The following TK1 variants were observed in gnomAD, a reference collection of about 807,000 sequenced individuals.
TK1 encodes thymidine kinase, cytosolic.
A neutral mutation model predicts 22.4 loss-of-function variants in TK1; 13 were observed. The ratio of observed to expected loss-of-function variants is 0.58; its 90% confidence interval spans 0.38 to 0.92. The LOEUF (loss-of-function observed/expected upper bound fraction) is 0.92, where lower values mean the gene tolerates loss of function less well. TK1 is among the 40% of genes least tolerant of loss of function. TK1 has a pLI of 0.00. For synonymous variants in TK1, 134 were observed against 125.4 expected (o/e 1.07, Z -0.46); for missense variants, 251 against 315.7 (o/e 0.80, Z 1.55).
chr17:78,179,258 T>A (rs2075722204), intron 4 of TK1: 1 of 985,268 alleles, frequency 1.0e-6, no homozygotes, highest in Non-Finnish European at 1.2e-6. Flanking sequence ...GCAAAATCCC[T>A]GGATGCATTC....
chr17:78,184,553 CG>C (rs61438436), intron 3 of TK1, among the ~76,000 whole-genome samples: 17,989 of 152,044 alleles, frequency 0.12, 1,577 homozygotes, highest in East Asian at 0.36. Flanking sequence ...TGCCAGGTGA[CG>C]GGGGAGCCAG....
intron 2 of TK1, 72 bp downstream of exon 2, chr17:78,186,715 G>T: frequency 7.5e-7 from 1 of 1,336,896 alleles, no homozygotes. Flanking sequence ...GAGGGAAGGG[G>T]AGGGGAGGGA....
rs763448540 is a variant in TK1, at chr17:78,175,189, CAG to C, written c.394-22_394-21del. 10 of 1,587,594 alleles carry C rather than the reference CAG, an allele frequency of 6.3e-6. No individual in the cohort carries two copies. Among genetic ancestry groups the C allele is most frequent in the African/African-American group, 6.2e-5 (4 of 64,462 alleles). On this transcript the variant is annotated intron_variant, in intron 5 of 6. Transcript: ENST00000301634. Reference sequence around the variant, plus strand: ...AAATGGCTGCGCTCCCATGGAAAGACAGAGGGCGCTCAGCCACCTTACCAGGT... The same window carrying C: ...AAATGGCTGCGCTCCCATGGAAAGACAGGGCGCTCAGCCACCTTACCAGGT...
chr17:78,183,081 C>G (rs572291357), intron 3 of TK1, among the ~76,000 whole-genome samples: 1 of 152,288 alleles, frequency 6.6e-6, no homozygotes, highest in East Asian at 1.9e-4. Flanking sequence ...GTTGGCCAGG[C>G]TGGTCTCAGA....
At chr17:78,178,141 G>A (rs894921265) in intron 4 of TK1, among the ~76,000 whole-genome samples, 2 of 152,158 alleles carry the variant, frequency 1.3e-5, no homozygotes, top group Non-Finnish European at 2.9e-5. Flanking sequence ...AAAGTGCTGG[G>A]ATTACAGGTG....
intron 4 of TK1, among the ~76,000 whole-genome samples, chr17:78,181,843 C>T (rs58996545): frequency 0.068 from 10,291 of 151,790 alleles, 438 homozygotes; most frequent in South Asian, 0.13. Context: ...ACTGCAGCCT[C>T]GACCTCCCAG....
chr17:78,185,181 G>A lies in TK1; in HGVS notation c.99-16C>T, dbSNP rs749042033. ...CAACTCTGTGCTGCAAGAGGAGAGA[G>A]GGTCAGGTGAGGTCCACGGCGGGAG... On this transcript the variant is annotated splice_polypyrimidine_tract_variant and intron_variant, in intron 2 of 6. Transcript: ENST00000301634. 6.2e-7 allele frequency: 1 copy of A among 1,609,410 alleles called. No individual in the cohort carries two copies. The highest frequency in any genetic ancestry group is 8.5e-7 in the Non-Finnish European group (1 of 1,176,576).
At chr17:78,179,410 C>T (rs1287564948) in intron 4 of TK1, 25 of 985,262 alleles carry the variant, frequency 2.5e-5, no homozygotes, top group Non-Finnish European at 2.7e-5. Flanking sequence ...TGCTCAGGGG[C>T]GCACCTCTGA....
chr17:78,185,115 C>A lies in TK1; in HGVS notation c.149G>T (p.Cys50Phe). 6.2e-7 allele frequency: 1 copy of A among 1,612,014 alleles called. No homozygotes were observed. The highest frequency in any genetic ancestry group is 8.5e-7 in the Non-Finnish European group (1 of 1,179,584). ...VRRFQIAQYKCLVIKYAKDTR... is the reference protein window; with the variant it reads ...VRRFQIAQYKFLVIKYAKDTR... ...GTCTTTGGCATACTTGATCACCAGGCACTTGTACTGAGCAATCTGGAAGCG... is the reference window on the plus strand; with the variant it reads ...GTCTTTGGCATACTTGATCACCAGGAACTTGTACTGAGCAATCTGGAAGCG... The change falls in exon 3 of 7, where the codon TGC (cysteine) becomes TTC (phenylalanine). Residue 50 changes from cysteine (C) to phenylalanine (F), a missense_variant. Coordinates refer to ENST00000301634, the MANE Select transcript of TK1 (RefSeq NM_003258.5).
chr17:78,186,699 G>GGAGGGGAGGA, intron 2 of TK1, 88 bp downstream of exon 2: 2 of 1,079,126 alleles, frequency 1.9e-6, no homozygotes, highest in East Asian at 6.2e-5. Context: ...GGAGGGGAGG[G>GGAGGGGAGGA]GAGGGGAGGG....
chr17:78,175,511 C>A lies in TK1; in HGVS notation c.393+18G>T, dbSNP rs763062078. ...GCCCTCCTCAATCCCAGCTCCAGAC[C>A]TGGATCAGACGCCTTACCTTCCTCT... On this transcript the variant is annotated intron_variant, in intron 5 of 6. Coordinates refer to ENST00000301634, the MANE Select transcript of TK1 (RefSeq NM_003258.5). 8.1e-6 allele frequency: 13 copies of A among 1,610,334 alleles called. No homozygotes were observed. The highest frequency in any genetic ancestry group is 1.7e-5 in the Admixed American group (1 of 59,388).
At chr17:78,175,443 G>A (rs1260826658) in intron 5 of TK1, 86 bp downstream of exon 5, 1 of 1,361,380 alleles carries the variant, frequency 7.3e-7, no homozygotes, top group Admixed American at 2.1e-5. Context: ...CTGAGCCCTG[G>A]TCACCCAGAG....
chr17:78,187,114 C>T (rs2075814606), upstream of TK1: 3 of 1,185,586 alleles, frequency 2.5e-6, no homozygotes, highest in Non-Finnish European at 3.7e-6. Context: ...GCCGGCCCCG[C>T]CGCCATGGGG....
At chr17:78,177,612 C>T (rs372161369) in intron 4 of TK1, among the ~76,000 whole-genome samples, 25 of 150,292 alleles carry the variant, frequency 1.7e-4, no homozygotes, top group South Asian at 4.2e-4. Context: ...CTCGCTCTGT[C>T]GCCCAGGCTG....
chr17:78,186,709 G>GGAGGA (rs2075803123), intron 2 of TK1, 78 bp downstream of exon 2: 2 of 1,122,860 alleles, frequency 1.8e-6, no homozygotes, highest in Middle Eastern at 2.9e-4. Context: ...GGAGGGGAGG[G>GGAGGA]AAGGGGAGGG....
Position 78,175,177 on chromosome 17 carries a change from C to G in TK1, c.394-8G>C, listed in dbSNP as rs755988086. ...CAGGATGGCCCCAAATGGCTGCGCT[C>G]CCATGGAAAGACAGAGGGCGCTCAG... On this transcript the variant is annotated splice_polypyrimidine_tract_variant and splice_region_variant and intron_variant, in intron 5 of 6. Transcript: ENST00000301634. 6.2e-7 allele frequency: 1 copy of G among 1,612,248 alleles called. No homozygotes were observed. Among genetic ancestry groups the G allele is most frequent in the South Asian group, 1.1e-5 (1 of 91,022 alleles).
intron 5 of TK1, 143 bp downstream of exon 5, chr17:78,175,386 C>T (rs2075691431): frequency 9.4e-7 from 1 of 1,064,684 alleles, no homozygotes; most frequent in Non-Finnish European, 1.3e-6. Context: ...CATGGAGTCC[C>T]TTGGCTCAGC....
intron 4 of TK1, 149 bp from the exon 5 acceptor site, chr17:78,175,767 G>A (rs2075694875): frequency 3.0e-6 from 2 of 658,284 alleles, no homozygotes; most frequent in Non-Finnish European, 5.1e-6. Flanking sequence ...CCCAGGCCGG[G>A]GGACTGTGTC....
chr17:78,179,480 G>A lies in TK1; in HGVS notation c.303+3109C>T, dbSNP rs1001004279. On this transcript the variant is annotated intron_variant, in intron 4 of 6. Transcript: ENST00000301634. Reference sequence around the variant, plus strand: ...AGGAGATGCCAGCTGCCGGGTGGTCGGGAACCCAGAGCGGACACTGGCAGC... The same window carrying A: ...AGGAGATGCCAGCTGCCGGGTGGTCAGGAACCCAGAGCGGACACTGGCAGC... The A allele has an allele frequency of 3.0e-5, 30 of 985,320 alleles. No homozygotes were observed. In the South Asian group the frequency reaches 1.0e-3, roughly 34 times the overall value. The allele number at this position is 985,320 out of a possible 1,614,324, so 61.0% of individuals were successfully genotyped here.
Sources: allele counts gnomAD v4.1 joint callset (sites outside exome capture counted in the v4.1 genomes callset), GRCh38; gene constraint gnomAD v4.1.1; transcripts MANE v1.5; gene names NCBI Gene and HGNC (gene_info 2026-07-23, HGNC 2026-07-21).